MAST4: variants seen among roughly 807,000 people sequenced by gnomAD.
MAST4 encodes microtubule associated serine/threonine kinase family member 4.
Under a neutral mutation model 162.7 loss-of-function variants are expected in MAST4, and 89 were observed. That is an observed-to-expected ratio of 0.55 (90% CI 0.46 to 0.65). The LOEUF is 0.65. Ranked by LOEUF, MAST4 falls within the 30% of genes least tolerant of loss-of-function variation. MAST4 has a pLI of 0.00. For missense variants in MAST4, 3,153 were observed against 3,374.0 expected, an observed-to-expected ratio of 0.93 and a Z score of 1.62; for synonymous variants, 1,479 against 1,361.1, an observed-to-expected ratio of 1.09 and a Z score of -1.91.
chr5:66,683,741 C>T (rs1203546706), intron 1 of MAST4, among the ~76,000 whole-genome samples: 2 of 152,108 alleles, frequency 1.3e-5, no homozygotes, highest in Admixed American at 1.3e-4. Flanking sequence ...TGATTTGCCC[C>T]AGGATAAGTA....
At chr5:67,135,279 G>T (rs1442340867) in intron 18 of MAST4, among the ~76,000 whole-genome samples, 1 of 152,080 alleles carries the variant, frequency 6.6e-6, no homozygotes, top group Non-Finnish European at 1.5e-5. Context: ...ATAACTTTTA[G>T]ATCTTAACCT....
chr5:66,952,184 C>T (rs902714219), intron 4 of MAST4, among the ~76,000 whole-genome samples: 4 of 152,106 alleles, frequency 2.6e-5, no homozygotes, highest in Non-Finnish European at 4.4e-5. Flanking sequence ...GGAAGAGAAG[C>T]AGGAGAGAAG....
chr5:66,888,126 T>C (rs1482274079), intron 3 of MAST4, among the ~76,000 whole-genome samples: 1 of 152,232 alleles, frequency 6.6e-6, no homozygotes, highest in Non-Finnish European at 1.5e-5. Context: ...GAATCTTTAC[T>C]TATTAAGTGA....
chr5:66,706,062 A>G (rs1004556421), intron 1 of MAST4, among the ~76,000 whole-genome samples: 1 of 152,148 alleles, frequency 6.6e-6, no homozygotes, highest in African/African-American at 2.4e-5. Context: ...ATATACTTGG[A>G]AAAAGAATCA....
chr5:66,776,386 T>C (rs1754603801), intron 2 of MAST4, among the ~76,000 whole-genome samples: 1 of 152,216 alleles, frequency 6.6e-6, no homozygotes, highest in Non-Finnish European at 1.5e-5. Flanking sequence ...AAGTAAGATA[T>C]CAAATATAAG....
chr5:66,736,311 G>A (rs1752150030), intron 1 of MAST4, among the ~76,000 whole-genome samples: 1 of 143,156 alleles, frequency 7.0e-6, no homozygotes, highest in African/African-American at 2.6e-5. Flanking sequence ...CATGTAGTGA[G>A]GGAATTTTTT....
chr5:66,982,226 G>A (rs374739390), intron 4 of MAST4, among the ~76,000 whole-genome samples: 24 of 152,040 alleles, frequency 1.6e-4, no homozygotes, highest in South Asian at 4.2e-4. Context: ...TTACATCATC[G>A]GCCTTATCCC....
chr5:66,665,489 A>G (rs11948040), intron 1 of MAST4, among the ~76,000 whole-genome samples: 38,957 of 152,170 alleles, frequency 0.26, 5,144 homozygotes, highest in East Asian at 0.3. Flanking sequence ...TTTAAATGGT[A>G]TGATTCTTAC....
At chr5:66,941,580 T>C (rs1415329697) in intron 4 of MAST4, among the ~76,000 whole-genome samples, 1 of 152,180 alleles carries the variant, frequency 6.6e-6, no homozygotes. Flanking sequence ...CAAAACTTTC[T>C]TCATATCAGC....
chr5:66,761,714 A>G (rs1467979296), intron 2 of MAST4, among the ~76,000 whole-genome samples: 1 of 152,136 alleles, frequency 6.6e-6, no homozygotes, highest in East Asian at 1.9e-4. Flanking sequence ...CCTCAGGCCA[A>G]GGGGGAGAAA....
At chr5:66,750,187 C>T (rs907356611) in intron 1 of MAST4, among the ~76,000 whole-genome samples, 1 of 152,152 alleles carries the variant, frequency 6.6e-6, no homozygotes, top group Admixed American at 6.5e-5. Flanking sequence ...GTGAGCCTCT[C>T]ATTATGTATG....
At chr5:67,143,672 T>C (rs535167622) in intron 21 of MAST4, among the ~76,000 whole-genome samples, 1 of 152,176 alleles carries the variant, frequency 6.6e-6, no homozygotes, top group Non-Finnish European at 1.5e-5. Context: ...CCCTCCTGTG[T>C]ATGGGAATGG....
chr5:67,080,661 ACT>A (rs1189216074), intron 5 of MAST4, among the ~76,000 whole-genome samples: 1 of 151,880 alleles, frequency 6.6e-6, no homozygotes, highest in Non-Finnish European at 1.5e-5. Flanking sequence ...TAGAGTGAAT[ACT>A]CTTAGTTTTG....
chr5:66,699,831 G>A (rs1426206087), intron 1 of MAST4, among the ~76,000 whole-genome samples: 1 of 152,006 alleles, frequency 6.6e-6, no homozygotes, highest in Admixed American at 6.6e-5. Flanking sequence ...ATACCTAGGT[G>A]ATGGGTTGAT....
chr5:67,050,731 G>A (rs1207630079), intron 4 of MAST4, among the ~76,000 whole-genome samples: 1 of 152,172 alleles, frequency 6.6e-6, no homozygotes, highest in Non-Finnish European at 1.5e-5. Flanking sequence ...TGCAAGTAGT[G>A]ACTCTGTGCC....
chr5:67,072,310 A>G (rs1266737344), intron 5 of MAST4, among the ~76,000 whole-genome samples: 4 of 152,206 alleles, frequency 2.6e-5, no homozygotes, highest in Non-Finnish European at 4.4e-5. Context: ...CAGCGTGTCA[A>G]ATGTTCATCT....
At chr5:66,760,760 A>G (rs1753810725) in intron 2 of MAST4, among the ~76,000 whole-genome samples, 1 of 152,216 alleles carries the variant, frequency 6.6e-6, no homozygotes, top group Non-Finnish European at 1.5e-5. Context: ...CTAGTGTTCT[A>G]TACTACTGTA....
chr5:67,022,411 C>CAAAAAA (rs33917245), intron 4 of MAST4, among the ~76,000 whole-genome samples: 1 of 143,594 alleles, frequency 7.0e-6, no homozygotes, highest in African/African-American at 2.5e-5. Flanking sequence ...TTTTCTCTAC[C>CAAAAAA]AAAAAAAAAA....
chr5:66,649,726 T>G (rs1746092628), intron 1 of MAST4, among the ~76,000 whole-genome samples: 1 of 152,158 alleles, frequency 6.6e-6, no homozygotes, highest in Non-Finnish European at 1.5e-5. Context: ...TTCTGGCCTC[T>G]GTAATGACTG....
Sources: gnomAD v4.1 joint callset for allele counts (sites outside exome capture counted in the v4.1 genomes callset) on GRCh38, gnomAD v4.1.1 for gene constraint, MANE v1.5 for transcripts, NCBI Gene and HGNC (gene_info 2026-07-23, HGNC 2026-07-21) for gene names.